MCUB: variants seen among roughly 807,000 people sequenced by gnomAD.
MCUB encodes calcium uniporter regulatory subunit MCUb, mitochondrial.
A neutral mutation model predicts 41.4 loss-of-function variants in MCUB; 46 were observed. The ratio of observed to expected loss-of-function variants is 1.11; its 90% confidence interval spans 0.88 to 1.42. MCUB has a LOEUF of 1.42. MCUB is among the 40% of genes most tolerant of loss of function. The pLI is 0.00. For missense variants in MCUB, 403 were observed against 404.9 expected (o/e 1.00, Z 0.04); for synonymous variants, 148 against 148.2 (o/e 1.00, Z 0.01).
At chr4:109,644,733 A>ATAGAATG (rs1184657054) in intron 1 of MCUB, among the ~76,000 whole-genome samples, 1 of 152,234 alleles carries the variant, frequency 6.6e-6, no homozygotes, top group African/African-American at 2.4e-5. Context: ...CATTGTATGC[A>ATAGAATG]GTTTTTCACC....
At chr4:109,613,874 A>T (rs761500701) in intron 1 of MCUB, among the ~76,000 whole-genome samples, 10 of 152,170 alleles carry the variant, frequency 6.6e-5, no homozygotes, top group Non-Finnish European at 1.0e-4. Flanking sequence ...CCCAAAGGTA[A>T]CATTTGGCAA....
At chr4:109,564,793 A>C (rs1726734019) in intron 1 of MCUB, among the ~76,000 whole-genome samples, 1 of 152,232 alleles carries the variant, frequency 6.6e-6, no homozygotes, top group African/African-American at 2.4e-5. Flanking sequence ...TGGGGTAGCA[A>C]GGAAATAGGA....
chr4:109,663,068 A>G (rs1729261899), intron 3 of MCUB, among the ~76,000 whole-genome samples: 1 of 152,254 alleles, frequency 6.6e-6, no homozygotes, highest in African/African-American at 2.4e-5. Flanking sequence ...GAGGCAGACA[A>G]GAGGCAGCAG....
chr4:109,587,806 T>C (rs906971975), intron 1 of MCUB, among the ~76,000 whole-genome samples: 12 of 152,168 alleles, frequency 7.9e-5, no homozygotes, highest in African/African-American at 2.9e-4. Flanking sequence ...ATAAGAGATA[T>C]AGGCCTATCC....
intron 1 of MCUB, among the ~76,000 whole-genome samples, chr4:109,587,272 A>G (rs1579051975): frequency 6.6e-6 from 1 of 152,380 alleles, no homozygotes. Flanking sequence ...AGCCAGGCAC[A>G]GGATATAATC....
intron 1 of MCUB, among the ~76,000 whole-genome samples, chr4:109,603,936 GAATA>G (rs972681982): frequency 6.6e-6 from 1 of 152,198 alleles, no homozygotes; most frequent in Non-Finnish European, 1.5e-5. Flanking sequence ...CGGTTTTGTT[GAATA>G]GAAAAGGGGG....
chr4:109,560,333 G>C lies in MCUB; in HGVS notation c.-5G>C. The stretch of plus-strand genomic sequence containing the variant: ...CTGCGGGAGCCGCGCGCCTGGGGCG[G>C]GAGGATGCTCCAGAGGGGCCTCTGG... On this transcript the variant is annotated 5_prime_UTR_variant, in exon 1 of 8. Transcript: ENST00000394650. 8.0e-7 allele frequency: 1 copy of C among 1,256,210 alleles called. No individual in the cohort carries two copies. The highest frequency in any genetic ancestry group is 1.0e-6 in the Non-Finnish European group (1 of 998,418). 77.8% of individuals were successfully genotyped at this position (1,256,210 alleles called of 1,614,324 possible).
In MCUB at chr4:109,684,670, G is replaced by T. The variant is rs753874805; in HGVS notation, c.816+24G>T. ...AGGTGAGTAGTTTGTTAGGAAAATGGTAAGTTAGAACATCTTTGCAAAGAA... is the reference window on the plus strand; with the variant it reads ...AGGTGAGTAGTTTGTTAGGAAAATGTTAAGTTAGAACATCTTTGCAAAGAA... On this transcript the variant is annotated intron_variant, in intron 6 of 7. Transcript: ENST00000394650. The T allele has an allele frequency of 8.0e-6, 9 of 1,131,068 alleles. No homozygotes were observed. The East Asian group carries it at 2.1e-4, about 27-fold the overall frequency. The allele number at this position is 1,131,068 out of a possible 1,614,324, so 70.1% of individuals were successfully genotyped here. A position where few individuals can be genotyped will look rare whatever the true frequency, so the allele number is the denominator to read the frequency against.
chr4:109,642,997 G>T (rs1176234478), intron 1 of MCUB, among the ~76,000 whole-genome samples: 3 of 147,244 alleles, frequency 2.0e-5, no homozygotes, highest in African/African-American at 5.0e-5. Context: ...GTTTCACTGT[G>T]TTGGCCAGGC....
intron 1 of MCUB, among the ~76,000 whole-genome samples, chr4:109,618,585 A>G (rs1255008544): frequency 6.6e-6 from 1 of 152,236 alleles, no homozygotes; most frequent in African/African-American, 2.4e-5. Flanking sequence ...TCTTAAATTC[A>G]TATGATATAC....
At chr4:109,657,849 A>G (rs146614238) in intron 1 of MCUB, among the ~76,000 whole-genome samples, 1 of 152,274 alleles carries the variant, frequency 6.6e-6, no homozygotes, top group Non-Finnish European at 1.5e-5. Context: ...ACTGCTGTCC[A>G]ATAGAACTTT....
rs1729876128 is a variant in MCUB, at chr4:109,687,510, G to A, written c.934-5G>A. 2.5e-6 allele frequency: 4 copies of A among 1,602,588 alleles called. No homozygotes were observed. Among genetic ancestry groups the A allele is most frequent in the East Asian group, 2.2e-5 (1 of 44,774 alleles). ...ATCACATGCTTTTTCTTTTTCCCAT[G>A]ACAGGCTAAAGAATCCCTGAAACAG... On this transcript the variant is annotated splice_polypyrimidine_tract_variant and splice_region_variant and intron_variant, in intron 7 of 7. Coordinates refer to ENST00000394650, the MANE Select transcript of MCUB (RefSeq NM_017918.5).
At chr4:109,576,556 AAAAC>A (rs1322551820) in intron 1 of MCUB, among the ~76,000 whole-genome samples, 1 of 151,728 alleles carries the variant, frequency 6.6e-6, no homozygotes, top group African/African-American at 2.4e-5. Context: ...TTGCCAAAGA[AAAAC>A]AAAAAACTCA....
intron 1 of MCUB, among the ~76,000 whole-genome samples, chr4:109,561,656 G>C (rs1160866952): frequency 6.6e-6 from 1 of 152,206 alleles, no homozygotes; most frequent in African/African-American, 2.4e-5. Flanking sequence ...TTTACTGTAA[G>C]TGTTGCATTG....
chr4:109,570,321 A>G (rs1198280947), intron 1 of MCUB, among the ~76,000 whole-genome samples: 2 of 152,158 alleles, frequency 1.3e-5, no homozygotes, highest in Non-Finnish European at 2.9e-5. Context: ...GGGAATGTAT[A>G]TCTTTGTATT....
intron 1 of MCUB, among the ~76,000 whole-genome samples, chr4:109,568,224 A>G (rs1245573683): frequency 2.6e-5 from 4 of 152,214 alleles, no homozygotes; most frequent in African/African-American, 7.2e-5. Flanking sequence ...GAATTGGTAT[A>G]ATAAACCGGT....
chr4:109,573,568 G>C (rs1726963112), intron 1 of MCUB, among the ~76,000 whole-genome samples: 1 of 152,124 alleles, frequency 6.6e-6, no homozygotes, highest in African/African-American at 2.4e-5. Context: ...GTCCTGGCTT[G>C]GTAGTTGTGT....
At chr4:109,653,218 A>T (rs1729002195) in intron 1 of MCUB, among the ~76,000 whole-genome samples, 1 of 152,056 alleles carries the variant, frequency 6.6e-6, no homozygotes, top group Non-Finnish European at 1.5e-5. Context: ...TCTACTAAAA[A>T]TACACAAAAA....
chr4:109,633,183 A>T (rs1360346527), intron 1 of MCUB, among the ~76,000 whole-genome samples: 1 of 152,210 alleles, frequency 6.6e-6, no homozygotes, highest in Non-Finnish European at 1.5e-5. Flanking sequence ...CCTACTGAAA[A>T]AATAAAATTT....
Sources: allele counts gnomAD v4.1 joint callset (sites outside exome capture counted in the v4.1 genomes callset), GRCh38; gene constraint gnomAD v4.1.1; transcripts MANE v1.5; gene names NCBI Gene and HGNC (gene_info 2026-07-23, HGNC 2026-07-21).